USP37: variants seen among roughly 807,000 people sequenced by gnomAD.
The protein encoded by USP37 is ubiquitin carboxyl-terminal hydrolase 37.
A neutral mutation model predicts 124.0 loss-of-function variants in USP37; 27 were observed. That is an observed-to-expected ratio of 0.22 (90% CI 0.16 to 0.30). The LOEUF (loss-of-function observed/expected upper bound fraction) is 0.30. Among genes scored for constraint, USP37 ranks in the 10% least tolerant of loss-of-function variants. The probability of loss-of-function intolerance (pLI) is 1.00; values close to 1 mark genes in which losing one functional copy is unlikely to be tolerated. For synonymous variants in USP37, 365 were observed against 388.0 expected, an observed-to-expected ratio of 0.94 and a Z score of 0.70; for missense variants, 889 against 1,140.4, an observed-to-expected ratio of 0.78 and a Z score of 3.17.
chr2:218,532,077 A>C (rs1008583648), intron 9 of USP37, among the ~76,000 whole-genome samples: 26 of 151,766 alleles, frequency 1.7e-4, no homozygotes, highest in African/African-American at 6.0e-4. Flanking sequence ...ATTTTGAAAG[A>C]AGTTCTGTGG....
rs931948508 is a variant in USP37, at chr2:218,450,697, GTTC to G, written c.*4230_*4232del. On this transcript the variant is annotated 3_prime_UTR_variant, in exon 26 of 26. Transcript: ENST00000258399. ...TTGAAGTAGACCAGTTTAGTTGACT[GTTC>G]TTCTTTGTTCTGGCATCTGACTGGA... The G allele has an allele frequency of 8.5e-5, 13 of 152,240 alleles. No individual in the cohort carries two copies. The highest frequency in any genetic ancestry group is 3.1e-4 in the African/African-American group (13 of 41,448). 9.4% of individuals were successfully genotyped at this position (152,240 alleles called of 1,614,324 possible).
At chr2:218,486,031 C>T in intron 15 of USP37, 1 of 310,700 alleles carries the variant, frequency 3.2e-6, no homozygotes, top group Non-Finnish European at 5.8e-6. Context: ...TTAGCCTTTT[C>T]AGCCTTTTCC....
Position 218,454,946 on chromosome 2 carries a change from G to A in USP37, c.2924C>T (p.Thr975Ile), listed in dbSNP as rs779040707. Residue 975 changes from threonine (T) to isoleucine (I), a missense_variant, in exon 26 of 26, where the codon ACC (threonine) becomes ATC (isoleucine). Physicochemically the swap from Thr to Ile is moderately conservative, Grantham distance 89. This residue lies in a region of USP37 where 504 missense variants were observed against 714.3 expected (regional missense o/e 0.71). Coordinates refer to ENST00000258399, the MANE Select transcript of USP37 (RefSeq NM_020935.3). ...GTTTGTTCCTCACAAGGCCTGACGG[G>A]TAGTCTTCCCCACTTCCGTGCTAAG... is the stretch of plus-strand genomic sequence containing the variant. ...QSLSTEVGKT[T>I]RQAL 1.3e-5 allele frequency: 21 copies of A among 1,614,008 alleles called. No individual in the cohort carries two copies. Among genetic ancestry groups the A allele is most frequent in the Middle Eastern group, 1.6e-4 (1 of 6,084 alleles).
At chr2:218,563,420 G>A (rs1027078741) in intron 1 of USP37, among the ~76,000 whole-genome samples, 1 of 152,154 alleles carries the variant, frequency 6.6e-6, no homozygotes, top group Non-Finnish European at 1.5e-5. Flanking sequence ...AAGTCAGTGA[G>A]AAAGAATATG....
chr2:218,479,622 T>C (rs745434744), intron 18 of USP37, 28 bp downstream of exon 18: 1 of 1,600,726 alleles, frequency 6.2e-7, no homozygotes, highest in Non-Finnish European at 8.6e-7. Context: ...TAAACACAGA[T>C]TTTGGGTACA....
At chr2:218,507,473 G>A (rs756958313) in intron 11 of USP37, among the ~76,000 whole-genome samples, 7 of 152,028 alleles carry the variant, frequency 4.6e-5, no homozygotes, top group Non-Finnish European at 7.4e-5. Context: ...TCTATTTAGC[G>A]TCTACCCACT....
Position 218,495,806 on chromosome 2 carries a change from T to C in USP37, c.1426A>G (p.Ile476Val), listed in dbSNP as rs745812685. The change falls in exon 14 of 26, where the codon ATT becomes GTT. Residue 476 changes from isoleucine (I) to valine (V), a missense_variant. This residue lies in a region of USP37 where 504 missense variants were observed against 714.3 expected (regional missense o/e 0.71). Coordinates refer to ENST00000258399, the MANE Select transcript of USP37 (RefSeq NM_020935.3). ...SATRAYTCPV[I>V]TNLEFEVQHS... ...TGAACCTCAAACTCCAAATTAGTAA[T>C]AACAGGGCAAGTGTATGCTCTGGTA... 3 of 1,613,728 alleles carry C rather than the reference T, an allele frequency of 1.9e-6. No homozygotes were observed. The highest frequency in any genetic ancestry group is 2.5e-6 in the Non-Finnish European group (3 of 1,179,970).
intron 11 of USP37, among the ~76,000 whole-genome samples, chr2:218,508,975 A>G (rs1689833773): frequency 6.6e-6 from 1 of 152,228 alleles, no homozygotes; most frequent in Admixed American, 6.5e-5. Flanking sequence ...GGTAAAAACA[A>G]TTAAAAATTT....
chr2:218,490,053 A>G, intron 14 of USP37, among the ~76,000 whole-genome samples: 1 of 152,146 alleles, frequency 6.6e-6, no homozygotes, highest in South Asian at 2.1e-4. Context: ...ATGCTGCTTT[A>G]AAAATTCTAC....
chr2:218,522,237 T>C (rs1690694250), intron 10 of USP37, among the ~76,000 whole-genome samples: 3 of 152,122 alleles, frequency 2.0e-5, no homozygotes, highest in South Asian at 2.1e-4. Flanking sequence ...TTCAAAATTA[T>C]CTTGGCTATT....
chr2:218,559,002 A>T, intron 3 of USP37, among the ~76,000 whole-genome samples: 1 of 25,154 alleles, frequency 4.0e-5, no homozygotes, highest in East Asian at 3.7e-3. Flanking sequence ...AATATAAGTT[A>T]AAAAAAAAAA....
At chr2:218,458,325 A>G (rs1425962011) in intron 23 of USP37, among the ~76,000 whole-genome samples, 2 of 148,818 alleles carry the variant, frequency 1.3e-5, no homozygotes, top group African/African-American at 4.9e-5. Context: ...TAATCCCCAT[A>G]CTTTGGGAGG....
chr2:218,493,019 AT>A (rs527660180), intron 14 of USP37, among the ~76,000 whole-genome samples: 18 of 151,458 alleles, frequency 1.2e-4, no homozygotes, highest in African/African-American at 3.9e-4. Context: ...AAAAAAAAAA[AT>A]TTTTTTCCCT....
At chr2:218,485,887 G>T in intron 15 of USP37, 144 bp from the exon 16 acceptor site, 2 of 807,686 alleles carry the variant, frequency 2.5e-6, no homozygotes, top group Non-Finnish European at 3.8e-6. Flanking sequence ...AGAGCCATGA[G>T]CCTTACCAAA....
chr2:218,561,917 C>G (rs1693333679), intron 2 of USP37, among the ~76,000 whole-genome samples: 1 of 152,108 alleles, frequency 6.6e-6, no homozygotes, highest in African/African-American at 2.4e-5. Flanking sequence ...GCCACTATAC[C>G]TTTGCATACA....
chr2:218,503,646 C>T (rs192104688), intron 11 of USP37, among the ~76,000 whole-genome samples: 177 of 152,156 alleles, frequency 1.2e-3, no homozygotes, highest in African/African-American at 4.0e-3. Flanking sequence ...ACCCGGGAGG[C>T]GGAGGCTGCA....
At chr2:218,493,961 T>C (rs1160549746) in intron 14 of USP37, among the ~76,000 whole-genome samples, 3 of 152,248 alleles carry the variant, frequency 2.0e-5, no homozygotes, top group South Asian at 2.1e-4. Flanking sequence ...CCTCTCACTT[T>C]GACTTGCACA....
At chr2:218,538,965 C>T (rs1452112081) in intron 8 of USP37, among the ~76,000 whole-genome samples, 2 of 151,758 alleles carry the variant, frequency 1.3e-5, no homozygotes, top group African/African-American at 4.9e-5. Context: ...TTTAATGCTA[C>T]TTTATTTTAT....
intron 10 of USP37, among the ~76,000 whole-genome samples, chr2:218,519,512 A>G (rs1690477134): frequency 6.6e-6 from 1 of 152,190 alleles, no homozygotes; most frequent in Non-Finnish European, 1.5e-5. Flanking sequence ...TGAGTGTGTC[A>G]AAAGCACTGC....
Sources: gnomAD v4.1 joint callset for allele counts (sites outside exome capture counted in the v4.1 genomes callset) on GRCh38, gnomAD v4.1.1 for gene constraint, gnomAD v4.1.1 regional missense constraint, MANE v1.5 for transcripts, NCBI Gene and HGNC (gene_info 2026-07-23, HGNC 2026-07-21) for gene names.